Variants in NELFB observed in about 807,000 individuals in gnomAD.
NELFB encodes negative elongation factor complex member B.
In NELFB, 34 loss-of-function variants were observed where a neutral mutation model predicts 60.2. The observed-to-expected ratio is 0.56, with a 90% CI of 0.43 to 0.75. NELFB has a LOEUF of 0.75. NELFB is among the 30% of genes least tolerant of loss of function. The pLI is 0.00. For synonymous variants in NELFB, 459 were observed against 382.1 expected (o/e 1.20, Z -2.35); for missense variants, 770 against 831.6 (o/e 0.93, Z 0.91).
chr9:137,263,312 C>T, intron 5 of NELFB, 90 bp downstream of exon 5: 1 of 1,212,934 alleles, frequency 8.2e-7, no homozygotes, highest in Non-Finnish European at 1.1e-6. Flanking sequence ...GGCCCTCCCT[C>T]CTTCCCCCAC....
intron 6 of NELFB, among the ~76,000 whole-genome samples, chr9:137,265,230 G>A (rs9330194): frequency 0.69 from 103,569 of 150,660 alleles, 36,211 homozygotes; most frequent in Admixed American, 0.77. Context: ...CACCTCGCCC[G>A]GGCTAGTCTC....
intron 4 of NELFB, among the ~76,000 whole-genome samples, chr9:137,259,774 G>C (rs1251338694): frequency 6.6e-6 from 1 of 150,570 alleles, no homozygotes; most frequent in Admixed American, 6.6e-5. Context: ...ACCCAGGCTG[G>C]AGTGCAGTGG....
chr9:137,256,654 G>A (rs933584902), intron 3 of NELFB, among the ~76,000 whole-genome samples, 170 bp from the exon 4 acceptor site: 1 of 152,180 alleles, frequency 6.6e-6, no homozygotes, highest in African/African-American at 2.4e-5. Flanking sequence ...AGAGCTGTTG[G>A]TATTTAGCAT....
In NELFB at chr9:137,264,274, A is replaced by G; in HGVS notation, c.957A>G (p.Arg319=). The change falls in exon 6 of 13, where the codon CGA becomes CGG. Residue 319 remains arginine, a synonymous_variant. Transcript: ENST00000343053. Reference sequence around the variant, plus strand: ...CCTGGTGCCTGGACGCCTGCATCCGAGAGCGGTTCGTGGACAGCAAGAGGG... The same window carrying G: ...CCTGGTGCCTGGACGCCTGCATCCGGGAGCGGTTCGTGGACAGCAAGAGGG... The G allele has an allele frequency of 6.2e-7, 1 of 1,601,894 alleles. No homozygotes were observed. The highest frequency in any genetic ancestry group is 8.5e-7 in the Non-Finnish European group (1 of 1,175,474).
intron 6 of NELFB, 139 bp downstream of exon 6, chr9:137,264,496 C>T (rs185035695): frequency 8.9e-6 from 6 of 672,118 alleles, no homozygotes; most frequent in East Asian, 5.6e-5. Flanking sequence ...GACAGAGTCT[C>T]GTTCTGTAGC....
At position 137,269,789 on chromosome 9, in the gene NELFB, T is replaced by C. The variant is rs963234259; in HGVS notation, c.1490-2292T>C. Among the ~76,000 whole-genome samples, 5 of 152,162 alleles carry C rather than the reference T, an allele frequency of 3.3e-5. No homozygotes were observed. The highest frequency in any genetic ancestry group is 7.3e-5 in the Non-Finnish European group (5 of 68,032). ...GGCCTTCCGTGCGCTTCTGTTTCTTTCTCTCATTTGATTGTGGCTAGAAAC... is the reference window on the plus strand; with the variant it reads ...GGCCTTCCGTGCGCTTCTGTTTCTTCCTCTCATTTGATTGTGGCTAGAAAC... On this transcript the variant is annotated intron_variant, in intron 10 of 12. Transcript: ENST00000343053. This position sits in a 1 kb window ranked among gnomAD's most constrained non-coding sequence, Gnocchi z 5.3.
intron 4 of NELFB, among the ~76,000 whole-genome samples, chr9:137,260,758 C>A (rs1295790425): frequency 6.6e-6 from 1 of 151,222 alleles, no homozygotes; most frequent in Non-Finnish European, 1.5e-5. Context: ...CAGCCCGATT[C>A]TCTTTTAAAA....
intron 8 of NELFB, 97 bp downstream of exon 8, chr9:137,266,523 C>A: frequency 9.9e-7 from 1 of 1,010,938 alleles, no homozygotes. Flanking sequence ...ATTGTGGAGG[C>A]CCCTTTGGTC....
intron 1 of NELFB, 43 bp downstream of exon 1, chr9:137,255,654 GGGCCGCCTGCTCGGGAGTCGGGCCT>G: frequency 6.6e-7 from 1 of 1,515,284 alleles, no homozygotes. Context: ...TTGGAGGGCC[GGGCCGCCTGCTCGGGAGTCGGGCCT>G]GGCGGAGGCG....
chr9:137,269,863 G>A lies in NELFB; in HGVS notation c.1490-2218G>A, dbSNP rs1460197043. 1.3e-5 allele frequency among the ~76,000 whole-genome samples: 2 copies of A among 152,240 alleles called. No individual in the cohort carries two copies. Among genetic ancestry groups the A allele is most frequent in the Non-Finnish European group, 2.9e-5 (2 of 68,050 alleles). On this transcript the variant is annotated intron_variant, in intron 10 of 12. Coordinates refer to ENST00000343053, the MANE Select transcript of NELFB (RefSeq NM_015456.5). The surrounding 1 kb of genome is among the most constrained non-coding windows in gnomAD (Gnocchi z 5.3). ...TTCTCGGAGTACGTGGCTGCCCCAC[G>A]GGGTGGGATGTGCATTTTCAGTCAC...
chr9:137,263,931 C>T lies in NELFB; in HGVS notation c.928-314C>T, dbSNP rs536144747. ...CCCTCCAGCCCTGAGACCATCTTTC[C>T]GGGACTTGGGAGTCACCCTCCGAGG... On this transcript the variant is annotated intron_variant, in intron 5 of 12. Transcript: ENST00000343053. Among the ~76,000 whole-genome samples the T allele has an allele frequency of 2.0e-3, 301 of 152,316 alleles. 2 individuals are homozygous for T. The highest frequency in any genetic ancestry group is 7.0e-3 in the African/African-American group (289 of 41,566).
intron 10 of NELFB, among the ~76,000 whole-genome samples, chr9:137,270,549 C>T (rs1392471528): frequency 6.6e-6 from 1 of 152,120 alleles, no homozygotes; most frequent in African/African-American, 2.4e-5. Flanking sequence ...GAGATTGCAC[C>T]ACTGCACTCC....
chr9:137,256,127 A>G, intron 2 of NELFB, 57 bp downstream of exon 2: 2 of 1,568,834 alleles, frequency 1.3e-6, no homozygotes, highest in Non-Finnish European at 1.8e-6. Flanking sequence ...TCAGCCTTGG[A>G]TCGACTCAGG....
intron 4 of NELFB, among the ~76,000 whole-genome samples, chr9:137,258,677 ACT>A (rs1209210458): frequency 6.6e-6 from 1 of 151,328 alleles, no homozygotes; most frequent in East Asian, 2.0e-4. Context: ...CTGGTCTTGA[ACT>A]CCTGACCTCA....
Position 137,273,179 on chromosome 9 carries a change from T to C in NELFB, c.*251T>C, listed in dbSNP as rs1221712852. On this transcript the variant is annotated 3_prime_UTR_variant, in exon 13 of 13. Transcript: ENST00000343053. ...TGGCAGCCATAGAAAGCGTGCTCAT[T>C]TTCTGTTTTCCTGTGTTAGGAAAAA... The C allele has an allele frequency of 2.8e-5, 12 of 422,754 alleles. No homozygotes were observed. Among genetic ancestry groups the C allele is most frequent in the African/African-American group, 2.5e-4 (12 of 48,818 alleles). The allele number at this position is 422,754 out of a possible 1,614,324, so 26.2% of individuals were successfully genotyped here.
At chr9:137,271,646 A>G (rs1830585142) in intron 10 of NELFB, among the ~76,000 whole-genome samples, 1 of 152,164 alleles carries the variant, frequency 6.6e-6, no homozygotes, top group Admixed American at 6.5e-5. Context: ...AGTCAGGGAG[A>G]ACTCTCTGCA....
chr9:137,256,794 C>T (rs1302105137), intron 3 of NELFB, 30 bp from the exon 4 acceptor site: 4 of 1,604,182 alleles, frequency 2.5e-6, no homozygotes, highest in African/African-American at 2.7e-5. Context: ...ACACAGGTGC[C>T]ACTCACAGGC....
At chr9:137,271,666 G>A (rs1830585738) in intron 10 of NELFB, among the ~76,000 whole-genome samples, 2 of 152,216 alleles carry the variant, frequency 1.3e-5, no homozygotes, top group African/African-American at 2.4e-5. Context: ...AGCTGGCGCC[G>A]GCCCTGTATT....
At position 137,257,062 on chromosome 9, in the gene NELFB, G is replaced by T. The variant is rs745655722; in HGVS notation, c.741+8G>T. ...ACCAGGCGCCAGGGCGAGGTGAGGGGACAGGCCGTGTGCGGGGTGGGGCAC... is the reference window on the plus strand; with the variant it reads ...ACCAGGCGCCAGGGCGAGGTGAGGGTACAGGCCGTGTGCGGGGTGGGGCAC... On this transcript the variant is annotated splice_region_variant and intron_variant, in intron 4 of 12. Transcript: ENST00000343053. The T allele has an allele frequency of 1.2e-6, 2 of 1,608,058 alleles. No homozygotes were observed. Among genetic ancestry groups the T allele is most frequent in the Admixed American group, 3.3e-5 (2 of 59,944 alleles).
Sources: gnomAD v4.1 joint callset for allele counts (sites outside exome capture counted in the v4.1 genomes callset) on GRCh38, gnomAD v4.1.1 for gene constraint, Gnocchi (gnomAD v3.1) non-coding constraint, MANE v1.5 for transcripts, NCBI Gene and HGNC (gene_info 2026-07-23, HGNC 2026-07-21) for gene names.